SMAD6: variants seen among roughly 807,000 people sequenced by gnomAD.
The protein encoded by SMAD6 is MAD homolog 6.
In SMAD6, 103 loss-of-function variants were observed where a neutral mutation model predicts 39.4. The ratio of observed to expected loss-of-function variants is 2.62; its 90% CI spans 2.23 to 3.08. SMAD6 has a LOEUF of 3.08. Ranked by LOEUF, SMAD6 falls within the 30% of genes most tolerant of loss-of-function variation. The probability of loss-of-function intolerance (pLI) is 0.00; values close to 1 mark genes in which losing one functional copy is unlikely to be tolerated. For synonymous variants in SMAD6, 445 were observed against 353.3 expected (o/e 1.26, Z -2.91); for missense variants, 1,104 against 742.9 (o/e 1.49, Z -5.65).
chr15:66,780,914 GAC>G (rs1894547213), intron 3 of SMAD6, 81 bp from the exon 4 acceptor site: 2 of 1,365,248 alleles, frequency 1.5e-6, no homozygotes, highest in African/African-American at 2.9e-5. Context: ...CCACTGTGCA[GAC>G]AGCAGTGCCC....
chr15:66,757,238 T>C (rs955520340), intron 3 of SMAD6, among the ~76,000 whole-genome samples: 2 of 152,092 alleles, frequency 1.3e-5, no homozygotes, highest in African/African-American at 4.8e-5. Context: ...CCAACTCCAA[T>C]ACGCAGGGTA....
rs1402534603 is a variant in SMAD6, at chr15:66,781,731, T to C, written c.*196T>C. On this transcript the variant is annotated 3_prime_UTR_variant, in exon 4 of 4. Transcript: ENST00000288840. Reference sequence around the variant, plus strand: ...TGTAATTATGGAGTCATTTTTACAATGTAATTATTTATGTATGGTGCAATG... The same window carrying C: ...TGTAATTATGGAGTCATTTTTACAACGTAATTATTTATGTATGGTGCAATG... 7.2e-6 allele frequency: 3 copies of C among 415,474 alleles called. No individual in the cohort carries two copies. The highest frequency in any genetic ancestry group is 1.3e-5 in the Non-Finnish European group (3 of 237,062). 25.7% of individuals were successfully genotyped at this position (415,474 alleles called of 1,614,324 possible).
At chr15:66,769,735 A>G (rs560054067) in intron 3 of SMAD6, among the ~76,000 whole-genome samples, 2 of 152,350 alleles carry the variant, frequency 1.3e-5, no homozygotes, top group East Asian at 1.9e-4. Context: ...AGGTTTGCCA[A>G]TAAAACACAT....
chr15:66,774,394 A>C (rs143198679), intron 3 of SMAD6, among the ~76,000 whole-genome samples: 2 of 151,956 alleles, frequency 1.3e-5, no homozygotes, highest in African/African-American at 4.8e-5. Flanking sequence ...GGCTCGCAGC[A>C]CCCTCCCTGG....
Position 66,774,833 on chromosome 15 carries a change from ATTTATTTTAT to A in SMAD6, c.953-6130_953-6121del, listed in dbSNP as rs61441715. 3.3e-3 allele frequency among the ~76,000 whole-genome samples: 478 copies of A among 146,188 alleles called. 1 individual carries two copies. Among genetic ancestry groups the A allele is most frequent in the South Asian group, 0.017 (77 of 4,470 alleles). On this transcript the variant is annotated intron_variant, in intron 3 of 3. Coordinates refer to ENST00000288840, the MANE Select transcript of SMAD6 (RefSeq NM_005585.5). ...CTCCCCAGGGGTAACCACTATTCTGATTTATTTTATTTTATTTTATTTTATTTTATTTTAT... is the reference window on the plus strand; with the variant it reads ...CTCCCCAGGGGTAACCACTATTCTGATTTATTTTATTTTATTTTATTTTAT...
At chr15:66,729,887 T>G (rs1595774983) in intron 3 of SMAD6, among the ~76,000 whole-genome samples, 1 of 151,898 alleles carries the variant, frequency 6.6e-6, no homozygotes, top group Non-Finnish European at 1.5e-5. Context: ...AGCCCTCTGC[T>G]CCAGACGAGG....
At chr15:66,773,477 A>C (rs1307307050) in intron 3 of SMAD6, among the ~76,000 whole-genome samples, 2 of 152,250 alleles carry the variant, frequency 1.3e-5, no homozygotes, top group Non-Finnish European at 2.9e-5. Flanking sequence ...TCTGCAGCTT[A>C]AAATGACAAA....
intron 3 of SMAD6, among the ~76,000 whole-genome samples, chr15:66,730,056 C>G (rs2140623829): frequency 6.6e-6 from 1 of 152,220 alleles, no homozygotes; most frequent in East Asian, 1.9e-4. Flanking sequence ...AGCCCTCCGT[C>G]AGACCCTCTT....
At position 66,703,606 on chromosome 15, in the gene SMAD6, G is replaced by GC; in HGVS notation, c.351dup (p.Glu118ArgfsTer3). ...CGGAGCCGGGAGGCCCGGGCTGGCT[G>GC]CCCGAGAGTGACTGCGAGACGGTGA... On this transcript the variant is annotated frameshift_variant, in exon 1 of 4. Coordinates refer to ENST00000288840, the MANE Select transcript of SMAD6 (RefSeq NM_005585.5). LOFTEE classifies it high-confidence loss of function. 1 of 1,230,408 alleles carries GC rather than the reference G, an allele frequency of 8.1e-7. No homozygotes were observed. Among genetic ancestry groups the GC allele is most frequent in the Non-Finnish European group, 1.0e-6 (1 of 984,128 alleles). The allele number at this position is 1,230,408 out of a possible 1,614,324, so 76.2% of individuals were successfully genotyped here.
At chr15:66,744,823 G>A (rs1476670935) in intron 3 of SMAD6, among the ~76,000 whole-genome samples, 1 of 152,188 alleles carries the variant, frequency 6.6e-6, no homozygotes, top group Non-Finnish European at 1.5e-5. Flanking sequence ...AGGAAGAACT[G>A]GGTGGGGAGT....
Position 66,703,278 on chromosome 15 carries a change from C to A in SMAD6, c.20C>A (p.Ser7Ter), listed in dbSNP as rs1418570348. MFRSKR[S>*]GLVRRLWRSR... The stretch of plus-strand genomic sequence containing the variant: ...TATCGTATGTTCAGGTCCAAACGCT[C>A]GGGGCTGGTGCGGCGACTTTGGCGA... Residue 7 changes from serine (S) to a stop codon, truncating the protein, a stop_gained, in exon 1 of 4, where the codon TCG becomes TAG. Transcript: ENST00000288840. LOFTEE classifies it high-confidence loss of function. 1.3e-6 allele frequency: 2 copies of A among 1,485,416 alleles called. No homozygotes were observed. The highest frequency in any genetic ancestry group is 1.3e-5 in the South Asian group (1 of 77,390). 92.0% of individuals were successfully genotyped at this position (1,485,416 alleles called of 1,614,324 possible).
intron 3 of SMAD6, among the ~76,000 whole-genome samples, chr15:66,754,145 C>T (rs1032036912): frequency 6.6e-6 from 1 of 152,236 alleles, no homozygotes; most frequent in African/African-American, 2.4e-5. Flanking sequence ...GTCTCTCCAC[C>T]TGACTCTGTT....
intron 1 of SMAD6, chr15:66,707,112 C>T (rs1893129754): frequency 6.6e-6 from 1 of 152,156 alleles, no homozygotes; most frequent in South Asian, 2.1e-4. Context: ...CCTTGGGTGT[C>T]TTTCTGTCCC....
Position 66,743,915 on chromosome 15 carries a change from C to G in SMAD6, c.952+27417C>G, listed in dbSNP as rs553344159. On this transcript the variant is annotated intron_variant, in intron 3 of 3. Coordinates refer to ENST00000288840, the MANE Select transcript of SMAD6 (RefSeq NM_005585.5). ...TCCATGCCATATTTACTTAACCAAT[C>G]CCCCAGGGCTGGATATTTAGGTTGT... is the stretch of plus-strand genomic sequence containing the variant. Among the ~76,000 whole-genome samples the G allele has an allele frequency of 3.3e-5, 5 of 152,152 alleles. No individual in the cohort carries two copies. The South Asian group carries it at 6.2e-4, about 19-fold the overall frequency.
chr15:66,731,437 CAA>C (rs58387784), intron 3 of SMAD6, among the ~76,000 whole-genome samples: 6 of 126,806 alleles, frequency 4.7e-5, no homozygotes, highest in East Asian at 4.6e-4. Context: ...GACTCCGTCT[CAA>C]AAAAAAAAAA....
At chr15:66,717,071 T>C in intron 3 of SMAD6, 1 of 1,289,138 alleles carries the variant, frequency 7.8e-7, no homozygotes, top group Non-Finnish European at 1.0e-6. Context: ...CCCCTGCAGT[T>C]AGAAGCTGGT....
intron 3 of SMAD6, among the ~76,000 whole-genome samples, chr15:66,737,477 G>A (rs896997207): frequency 6.6e-6 from 1 of 152,144 alleles, no homozygotes; most frequent in South Asian, 2.1e-4. Context: ...CTCCACCTCC[G>A]ACGGTAGTGC....
At chr15:66,716,339 T>C (rs1484652260) in intron 2 of SMAD6, 82 bp from the exon 3 acceptor site, 4 of 969,516 alleles carry the variant, frequency 4.1e-6, no homozygotes, top group Non-Finnish European at 6.7e-6. Context: ...CACGTGCACA[T>C]GTACAGAGAT....
intron 3 of SMAD6, among the ~76,000 whole-genome samples, chr15:66,750,479 T>C (rs1893983947): frequency 6.6e-6 from 1 of 152,192 alleles, no homozygotes; most frequent in South Asian, 2.1e-4. Context: ...TGGTGTGGGG[T>C]ACAAAGCAGA....
Sources: gnomAD v4.1 joint callset for allele counts (sites outside exome capture counted in the v4.1 genomes callset) on GRCh38, gnomAD v4.1.1 for gene constraint, MANE v1.5 for transcripts, NCBI Gene and HGNC (gene_info 2026-07-23, HGNC 2026-07-21) for gene names.